The following CHCHD6 variants were observed in gnomAD, a reference collection of about 807,000 sequenced individuals.
The protein encoded by CHCHD6 is coiled-coil-helix-coiled-coil-helix domain containing 6.
In CHCHD6, 28 loss-of-function variants were observed where a neutral mutation model predicts 32.3. The observed-to-expected ratio is 0.87, with a 90% confidence interval of 0.64 to 1.19. CHCHD6 has a LOEUF of 1.19. CHCHD6 is among the 50% of genes most tolerant of loss of function. CHCHD6 has a pLI of 0.00. For synonymous variants in CHCHD6, 122 were observed against 117.5 expected (o/e 1.04, Z -0.25); for missense variants, 333 against 307.0 (o/e 1.08, Z -0.63).
intron 5 of CHCHD6, among the ~76,000 whole-genome samples, chr3:126,910,636 A>G (rs190265413): frequency 1.1e-4 from 16 of 152,350 alleles, no homozygotes; most frequent in East Asian, 3.9e-4. Flanking sequence ...TCTAGATGCC[A>G]AGATGTTCCT....
At chr3:126,842,872 C>CA (rs1941152614) in intron 4 of CHCHD6, among the ~76,000 whole-genome samples, 1 of 146,902 alleles carries the variant, frequency 6.8e-6, no homozygotes, top group East Asian at 2.0e-4. Flanking sequence ...TAAAATGTTC[C>CA]ATTCCTCTGT....
At chr3:126,865,910 G>A (rs1942273318) in intron 5 of CHCHD6, among the ~76,000 whole-genome samples, 1 of 152,182 alleles carries the variant, frequency 6.6e-6, no homozygotes, top group African/African-American at 2.4e-5. Context: ...GCTTCTCTAG[G>A]GTAGTTGTCT....
chr3:126,767,013 T>G, intron 4 of CHCHD6: 1 of 874,770 alleles, frequency 1.1e-6, no homozygotes, highest in East Asian at 2.4e-5. Flanking sequence ...CTACATTTGG[T>G]ACAGGCAGGA....
At chr3:126,852,818 G>A in intron 5 of CHCHD6, 88 bp downstream of exon 5, 3 of 894,178 alleles carry the variant, frequency 3.4e-6, no homozygotes, top group South Asian at 1.4e-5. Flanking sequence ...GGAGAGAGGA[G>A]TCCGCAGACC....
intron 4 of CHCHD6, among the ~76,000 whole-genome samples, chr3:126,741,178 A>G (rs918791777): frequency 6.6e-6 from 1 of 152,206 alleles, no homozygotes; most frequent in Admixed American, 6.5e-5. Context: ...GGCCTCCATC[A>G]CTGTGGTTCC....
chr3:126,708,835 C>G (rs1057017706), intron 1 of CHCHD6, among the ~76,000 whole-genome samples: 2 of 152,124 alleles, frequency 1.3e-5, no homozygotes. Flanking sequence ...CCCATTCCCA[C>G]TCCCAGTCCC....
At chr3:126,865,601 C>T (rs1356068361) in intron 5 of CHCHD6, 3 of 985,370 alleles carry the variant, frequency 3.0e-6, no homozygotes, top group East Asian at 2.3e-4. Context: ...ACCTCCACAC[C>T]TTCACTGCTA....
chr3:126,807,321 T>A (rs1939443293), intron 4 of CHCHD6, among the ~76,000 whole-genome samples: 2 of 152,044 alleles, frequency 1.3e-5, no homozygotes, highest in Non-Finnish European at 2.9e-5. Context: ...TTTTCTTAAG[T>A]TAAATCCACA....
intron 5 of CHCHD6, among the ~76,000 whole-genome samples, chr3:126,854,574 T>A (rs527378235): frequency 6.6e-6 from 1 of 152,244 alleles, no homozygotes; most frequent in Non-Finnish European, 1.5e-5. Flanking sequence ...CAATCTTTTT[T>A]TATTAGCTGT....
chr3:126,781,194 G>A (rs755781837), intron 4 of CHCHD6, among the ~76,000 whole-genome samples: 7 of 152,180 alleles, frequency 4.6e-5, no homozygotes, highest in Non-Finnish European at 1.0e-4. Context: ...AGGAAGGTAG[G>A]AGCTTTAGAG....
chr3:126,744,254 A>G (rs1936401875), intron 4 of CHCHD6, among the ~76,000 whole-genome samples: 1 of 152,166 alleles, frequency 6.6e-6, no homozygotes, highest in South Asian at 2.1e-4. Context: ...ATTTATTCAC[A>G]TGGTTTTTGG....
intron 4 of CHCHD6, among the ~76,000 whole-genome samples, chr3:126,747,060 A>T (rs1314537249): frequency 6.6e-6 from 1 of 152,212 alleles, no homozygotes; most frequent in East Asian, 1.9e-4. Context: ...CTCAGCTTTC[A>T]TGGCTGTGTA....
At chr3:126,842,810 C>CTTTTT (rs63135461) in intron 4 of CHCHD6, among the ~76,000 whole-genome samples, 7 of 94,648 alleles carry the variant, frequency 7.4e-5, no homozygotes, top group Non-Finnish European at 1.1e-4. Context: ...CACTGAAATT[C>CTTTTT]TTTTTTTTTT....
chr3:126,878,817 G>A (rs538959247), intron 5 of CHCHD6, among the ~76,000 whole-genome samples: 45 of 152,326 alleles, frequency 3.0e-4, no homozygotes, highest in African/African-American at 1.1e-3. Context: ...ATCTATGCCT[G>A]CATCACCAGC....
chr3:126,868,628 T>A (rs1206173564), intron 5 of CHCHD6, among the ~76,000 whole-genome samples: 1 of 152,136 alleles, frequency 6.6e-6, no homozygotes, highest in Non-Finnish European at 1.5e-5. Context: ...ATGGTAAAAT[T>A]TGTAATGTTA....
intron 4 of CHCHD6, among the ~76,000 whole-genome samples, chr3:126,811,482 G>T (rs1939650941): frequency 6.6e-6 from 1 of 152,044 alleles, no homozygotes; most frequent in South Asian, 2.1e-4. Flanking sequence ...AGAACATCTT[G>T]ACAAAAAGTG....
intron 4 of CHCHD6, among the ~76,000 whole-genome samples, chr3:126,792,166 C>G (rs1171274565): frequency 6.6e-6 from 1 of 151,222 alleles, no homozygotes; most frequent in African/African-American, 2.4e-5. Flanking sequence ...GTGAATGATG[C>G]TGCTGTGAAT....
chr3:126,855,769 T>G (rs1941645780), intron 5 of CHCHD6, among the ~76,000 whole-genome samples: 1 of 152,110 alleles, frequency 6.6e-6, no homozygotes, highest in Non-Finnish European at 1.5e-5. Context: ...GGACCCCTAT[T>G]AACTTCAGTA....
At chr3:126,711,939 ATT>A (rs1934767173) in intron 1 of CHCHD6, among the ~76,000 whole-genome samples, 1 of 152,200 alleles carries the variant, frequency 6.6e-6, no homozygotes, top group African/African-American at 2.4e-5. Context: ...CACATGTGTT[ATT>A]CTGTTTGATG....
Sources: allele counts gnomAD v4.1 joint callset (sites outside exome capture counted in the v4.1 genomes callset), GRCh38; gene constraint gnomAD v4.1.1; transcripts MANE v1.5; gene names NCBI Gene and HGNC (gene_info 2026-07-23, HGNC 2026-07-21).